The following DDX60L variants were observed in gnomAD, a reference collection of about 807,000 sequenced individuals.
DDX60L encodes DExD/H-box 60 like, also known as probable ATP-dependent RNA helicase DDX60-like.
A neutral mutation model predicts 211.6 loss-of-function variants in DDX60L; 191 were observed. The observed-to-expected ratio is 0.90, with a 90% CI of 0.80 to 1.02. The LOEUF (loss-of-function observed/expected upper bound fraction) is 1.02. Among genes scored for constraint, DDX60L ranks in the 50% least tolerant of loss-of-function variants. DDX60L has a pLI of 0.00. For missense variants in DDX60L, 2,007 were observed against 1,984.1 expected (o/e 1.01, Z -0.22); for synonymous variants, 706 against 694.1 (o/e 1.02, Z -0.27).
At position 168,471,778 on chromosome 4, in the gene DDX60L, T is replaced by G. The variant is rs1410530779; in HGVS notation, c.233A>C (p.Asn78Thr). Residue 78 changes from asparagine (N) to threonine (T), a missense_variant, in exon 4 of 38, where the codon AAC (asparagine) becomes ACC (threonine). Physicochemically the swap from Asn to Thr is moderately conservative, Grantham distance 65 (BLOSUM62 0). Transcript: ENST00000682922. ...GAAAACTATGGTGAATTGTCCTCCG[T>G]TACTCAGAAGATCCACAAGATAGCA... ...VECYLVDLLS[N>T]GGQFTIVFFK... 1.2e-6 allele frequency: 2 copies of G among 1,607,322 alleles called. No individual in the cohort carries two copies. The highest frequency in any genetic ancestry group is 3.5e-5 in the Admixed American group (2 of 57,442).
chr4:168,406,172 C>T (rs912180826), intron 23 of DDX60L, 94 bp from the exon 24 acceptor site: 2 of 1,308,658 alleles, frequency 1.5e-6, no homozygotes, highest in Non-Finnish European at 2.1e-6. Context: ...GTCTCCTTAA[C>T]AAAATTGCAA....
chr4:168,384,515 T>G, intron 30 of DDX60L, 97 bp downstream of exon 30: 2 of 1,461,560 alleles, frequency 1.4e-6, no homozygotes, highest in South Asian at 2.5e-5. Flanking sequence ...AGAAAGTTTA[T>G]TTTCTTTCTC....
chr4:168,459,375 G>A (rs1379806849), intron 5 of DDX60L, among the ~76,000 whole-genome samples: 1 of 151,756 alleles, frequency 6.6e-6, no homozygotes, highest in African/African-American at 2.4e-5. Context: ...CAAGACCCTA[G>A]TATTGCATTT....
Position 168,471,862 on chromosome 4 carries a change from C to T in DDX60L, c.149G>A (p.Cys50Tyr), listed in dbSNP as rs1758825995. The change falls in exon 4 of 38, where the codon TGC becomes TAC. Residue 50 changes from cysteine to tyrosine, a missense_variant. Cys to Tyr is a radical substitution (Grantham distance 194, BLOSUM62 -2). Transcript: ENST00000682922. ...VIDGDSLLVT[C>Y]LGVKSFKWGQ... ...CCACTTGAATGATTTTACACCCAGG[C>T]ATGTGACAAGCAAGGAATCTCCATC... 1.9e-6 allele frequency: 3 copies of T among 1,613,330 alleles called. No homozygotes were observed. The highest frequency in any genetic ancestry group is 1.7e-5 in the Admixed American group (1 of 59,846).
chr4:168,412,988 G>A (rs747835654), intron 22 of DDX60L, among the ~76,000 whole-genome samples: 3 of 152,372 alleles, frequency 2.0e-5, no homozygotes, highest in African/African-American at 2.4e-5. Context: ...CCCCAGTGCA[G>A]ATAATGGCTG....
At chr4:168,451,324 G>A (rs28734828) in intron 8 of DDX60L, among the ~76,000 whole-genome samples, 1 of 152,020 alleles carries the variant, frequency 6.6e-6, no homozygotes. Flanking sequence ...TCCTTTGGAA[G>A]TCTCATTGCC....
chr4:168,430,361 G>A lies in DDX60L; in HGVS notation c.1677+117C>T, dbSNP rs1458145950. 5 of 895,004 alleles carry A rather than the reference G, an allele frequency of 5.6e-6. No individual in the cohort carries two copies. In the South Asian group the frequency reaches 8.5e-5, roughly 15 times the overall value. 55.4% of individuals were successfully genotyped at this position (895,004 alleles called of 1,614,324 possible). A position where few individuals can be genotyped will look rare whatever the true frequency, so the allele number is the denominator to read the frequency against. On this transcript the variant is annotated intron_variant, in intron 13 of 37. Coordinates refer to ENST00000682922, the MANE Select transcript of DDX60L (RefSeq NM_001012967.3). ...TTCTAGCAATGTGAGAATGGACTAA[G>A]ACAGTTAGCAAACATGAGAAAGAAG...
intron 37 of DDX60L, 22 bp from the exon 38 acceptor site, chr4:168,358,298 TA>T (rs771660670): frequency 4.9e-6 from 7 of 1,436,934 alleles, no homozygotes; most frequent in East Asian, 2.8e-5. Flanking sequence ...ATAATAATAA[TA>T]AAAAAATAAT....
At chr4:168,428,371 G>A (rs1751804553) in intron 13 of DDX60L, among the ~76,000 whole-genome samples, 1 of 152,160 alleles carries the variant, frequency 6.6e-6, no homozygotes, top group Admixed American at 6.5e-5. Context: ...GAGATATCCT[G>A]TCACTGATTG....
chr4:168,397,856 G>A (rs892908960), intron 26 of DDX60L, among the ~76,000 whole-genome samples: 4 of 152,202 alleles, frequency 2.6e-5, no homozygotes, highest in Admixed American at 2.0e-4. Flanking sequence ...AGTTGACAGG[G>A]TGGGAGACGC....
intron 1 of DDX60L, among the ~76,000 whole-genome samples, chr4:168,477,835 T>C (rs187392008): frequency 7.2e-5 from 11 of 152,314 alleles, no homozygotes; most frequent in East Asian, 1.9e-4. Flanking sequence ...TCAATGTCTA[T>C]AGTGTTTTAG....
intron 30 of DDX60L, 183 bp from the exon 31 acceptor site, chr4:168,380,013 A>C (rs1208611507): frequency 6.2e-6 from 3 of 482,482 alleles, no homozygotes; most frequent in Non-Finnish European, 1.1e-5. Flanking sequence ...GCTTCCTTGA[A>C]TTAAATACAT....
intron 22 of DDX60L, among the ~76,000 whole-genome samples, chr4:168,407,679 C>A (rs543079093): frequency 5.3e-5 from 8 of 152,186 alleles, no homozygotes; most frequent in African/African-American, 1.9e-4. Context: ...TAAAAAATGC[C>A]TATTACTGGT....
At position 168,415,749 on chromosome 4, in the gene DDX60L, T is replaced by A. The variant is rs770361393; in HGVS notation, c.2777A>T (p.Glu926Val). 1 of 1,592,274 alleles carries A rather than the reference T, an allele frequency of 6.3e-7. No homozygotes were observed. The highest frequency in any genetic ancestry group is 8.6e-7 in the Non-Finnish European group (1 of 1,168,026). Residue 926 changes from glutamate (E) to valine (V), a missense_variant, in exon 21 of 38, where the codon GAA becomes GTA. Transcript: ENST00000682922. Reference protein sequence around the residue: ...QYWKQADKIMEEKCISEKQAD... With the variant: ...QYWKQADKIMVEKCISEKQAD... ...CTGTTTTTCAGAAATACATTTCTCT[T>A]CCATAATCTTGTCTGCCTGTTTCCA... is the stretch of plus-strand genomic sequence containing the variant.
rs1353456721 is a variant in DDX60L, at chr4:168,456,576, T to C, written c.724-424A>G. On this transcript the variant is annotated intron_variant, in intron 6 of 37. Transcript: ENST00000682922. ...TCACACAACATTGAAAATTGTGTGG[T>C]GAGTCACCTCTCTTACAGATTAAAG... is the stretch of plus-strand genomic sequence containing the variant. Among the ~76,000 whole-genome samples, 6 of 152,154 alleles carry C rather than the reference T, an allele frequency of 3.9e-5. No homozygotes were observed. In the South Asian group the frequency reaches 1.2e-3, roughly 32 times the overall value.
At chr4:168,422,756 G>T in intron 15 of DDX60L, 86 bp from the exon 16 acceptor site, 1 of 1,045,886 alleles carries the variant, frequency 9.6e-7, no homozygotes, top group Non-Finnish European at 1.4e-6. Context: ...CACATTCTAT[G>T]CACAAGGCAT....
chr4:168,406,907 A>G (rs886228921), intron 22 of DDX60L, among the ~76,000 whole-genome samples: 10 of 152,166 alleles, frequency 6.6e-5, no homozygotes, highest in Non-Finnish European at 1.3e-4. Flanking sequence ...ACCTGCTGAA[A>G]TGGAAAACTT....
At chr4:168,419,281 G>A (rs1157846167) in intron 19 of DDX60L, 21 bp downstream of exon 19, 2 of 1,544,240 alleles carry the variant, frequency 1.3e-6, no homozygotes, top group Non-Finnish European at 1.8e-6. Context: ...ACATCAACCA[G>A]AGAACTAACA....
chr4:168,443,141 C>T (rs371067947), intron 9 of DDX60L, among the ~76,000 whole-genome samples: 35 of 151,282 alleles, frequency 2.3e-4, no homozygotes, highest in Admixed American at 8.6e-4. Flanking sequence ...AAAATTTAGA[C>T]GAATGTACAA....
Sources: gnomAD v4.1 joint callset for allele counts (sites outside exome capture counted in the v4.1 genomes callset) on GRCh38, gnomAD v4.1.1 for gene constraint, MANE v1.5 for transcripts, NCBI Gene and HGNC (gene_info 2026-07-23, HGNC 2026-07-21) for gene names.